The following ARHGAP31 variants were observed in gnomAD, a reference collection of about 807,000 sequenced individuals.
The protein encoded by ARHGAP31 is rho GTPase-activating protein 31.
ARHGAP31 carries 34 observed loss-of-function variants against 113.9 expected under a neutral mutation model. The ratio of observed to expected loss-of-function variants is 0.30; its 90% CI spans 0.23 to 0.40. The LOEUF is 0.40. Among genes scored for constraint, ARHGAP31 ranks in the 10% least tolerant of loss-of-function variants. The probability of loss-of-function intolerance (pLI) is 1.00; values close to 1 mark genes in which losing one functional copy is unlikely to be tolerated. For synonymous variants in ARHGAP31, 650 were observed against 684.8 expected (o/e 0.95, Z 0.79); for missense variants, 1,548 against 1,767.1 (o/e 0.88, Z 2.22).
intron 1 of ARHGAP31, among the ~76,000 whole-genome samples, chr3:119,297,946 C>T (rs991122474): frequency 1.6e-5 from 2 of 125,772 alleles, no homozygotes; most frequent in African/African-American, 6.6e-5. Flanking sequence ...ACACACACAC[C>T]GTGTATGCAA....
intron 1 of ARHGAP31, among the ~76,000 whole-genome samples, chr3:119,355,187 CT>C (rs1226611007): frequency 2.0e-5 from 3 of 152,238 alleles, no homozygotes; most frequent in African/African-American, 7.2e-5. Context: ...AACTCTGGCA[CT>C]TCCTAGCTCC....
chr3:119,365,198 C>T, intron 1 of ARHGAP31, 118 bp from the exon 2 acceptor site: 1 of 784,002 alleles, frequency 1.3e-6, no homozygotes, highest in Non-Finnish European at 2.1e-6. Context: ...ACTTGTAAGT[C>T]ATATGAGTTC....
At chr3:119,361,274 A>G (rs1232012077) in intron 1 of ARHGAP31, among the ~76,000 whole-genome samples, 1 of 151,814 alleles carries the variant, frequency 6.6e-6, no homozygotes, top group Non-Finnish European at 1.5e-5. Flanking sequence ...CTGCCTCCCT[A>G]CTGAATTGCA....
intron 5 of ARHGAP31, 100 bp downstream of exon 5, chr3:119,382,499 C>G (rs2080410476): frequency 8.4e-7 from 1 of 1,186,552 alleles, no homozygotes; most frequent in Non-Finnish European, 1.2e-6. Flanking sequence ...CCCTTTAAAA[C>G]AAATCTGTGG....
At chr3:119,364,126 C>T (rs906515889) in intron 1 of ARHGAP31, among the ~76,000 whole-genome samples, 1 of 151,416 alleles carries the variant, frequency 6.6e-6, no homozygotes, top group Non-Finnish European at 1.5e-5. Context: ...ACCCTTCTAC[C>T]AGGGCACTGA....
chr3:119,303,826 G>T (rs112272331), intron 1 of ARHGAP31, among the ~76,000 whole-genome samples: 9 of 151,576 alleles, frequency 5.9e-5, no homozygotes, highest in Non-Finnish European at 8.8e-5. Flanking sequence ...ATGGGGTCTC[G>T]CAGTGTCGCC....
intron 1 of ARHGAP31, among the ~76,000 whole-genome samples, chr3:119,308,044 G>A (rs945943693): frequency 4.0e-5 from 6 of 149,948 alleles, no homozygotes; most frequent in African/African-American, 1.2e-4. Flanking sequence ...AGTCACGCAC[G>A]CAGCGTTGTC....
chr3:119,364,273 A>C (rs1489511420), intron 1 of ARHGAP31, among the ~76,000 whole-genome samples: 7 of 152,094 alleles, frequency 4.6e-5, no homozygotes, highest in East Asian at 1.9e-4. Context: ...TAAAAAAAAA[A>C]CACTTTATCA....
In ARHGAP31 at chr3:119,373,316, T is replaced by TA. The variant is rs1264499575; in HGVS notation, c.348+4807dup. ...GCGAAGGACCTTGATAGATAATTCCTAAAAAAAGAAATTGAATTATTTAAA... is the reference window on the plus strand; with the variant it reads ...GCGAAGGACCTTGATAGATAATTCCTAAAAAAAAGAAATTGAATTATTTAAA... On this transcript the variant is annotated intron_variant, in intron 3 of 11. Transcript: ENST00000264245. Among the ~76,000 whole-genome samples, 8 of 152,140 alleles carry TA rather than the reference T, an allele frequency of 5.3e-5. No homozygotes were observed. In the South Asian group the frequency reaches 1.0e-3, roughly 20 times the overall value.
chr3:119,410,689 A>G (rs2080707785), intron 11 of ARHGAP31, among the ~76,000 whole-genome samples: 1 of 152,270 alleles, frequency 6.6e-6, no homozygotes, highest in African/African-American at 2.4e-5. Flanking sequence ...AGTGCTGGAA[A>G]GAGAACCGGG....
intron 1 of ARHGAP31, among the ~76,000 whole-genome samples, chr3:119,350,919 T>C (rs2080105199): frequency 6.6e-6 from 1 of 152,198 alleles, no homozygotes; most frequent in African/African-American, 2.4e-5. Context: ...CACTGGCAGA[T>C]AGAAACCGAA....
At chr3:119,364,390 T>C (rs1356949813) in intron 1 of ARHGAP31, among the ~76,000 whole-genome samples, 1 of 152,220 alleles carries the variant, frequency 6.6e-6, no homozygotes, top group Non-Finnish European at 1.5e-5. Flanking sequence ...ATTCAATTTG[T>C]TGAAGATTTT....
intron 1 of ARHGAP31, among the ~76,000 whole-genome samples, chr3:119,336,167 C>G (rs879624959): frequency 5.3e-5 from 8 of 152,148 alleles, no homozygotes; most frequent in African/African-American, 7.2e-5. Flanking sequence ...AAGAGTGAAA[C>G]TTGGTCTCAA....
At chr3:119,398,513 G>A (rs1452394074) in intron 8 of ARHGAP31, among the ~76,000 whole-genome samples, 1 of 152,158 alleles carries the variant, frequency 6.6e-6, no homozygotes, top group Non-Finnish European at 1.5e-5. Context: ...GTTTGTGAAT[G>A]CATCTATGTA....
chr3:119,333,585 T>C (rs2107608398), intron 1 of ARHGAP31, among the ~76,000 whole-genome samples: 1 of 152,358 alleles, frequency 6.6e-6, no homozygotes, highest in Non-Finnish European at 1.5e-5. Flanking sequence ...CTTAGATTTG[T>C]GTAGCACTCT....
At chr3:119,316,899 T>C (rs1031372116) in intron 1 of ARHGAP31, among the ~76,000 whole-genome samples, 2 of 152,242 alleles carry the variant, frequency 1.3e-5, no homozygotes, top group African/African-American at 4.8e-5. Flanking sequence ...AAACTTCTTT[T>C]GTGCCGCAGG....
At chr3:119,354,152 G>A (rs1406706001) in intron 1 of ARHGAP31, among the ~76,000 whole-genome samples, 1 of 152,232 alleles carries the variant, frequency 6.6e-6, no homozygotes, top group Non-Finnish European at 1.5e-5. Flanking sequence ...CAGCAGGATA[G>A]CAGAGCTAGT....
intron 11 of ARHGAP31, among the ~76,000 whole-genome samples, chr3:119,411,273 T>C (rs4687852): frequency 0.95 from 145,098 of 152,188 alleles, 69,228 homozygotes; most frequent in East Asian, 1. Context: ...GTGTGGAGAA[T>C]GGCTTGAAGA....
At chr3:119,382,488 C>T (rs2080410334) in intron 5 of ARHGAP31, 89 bp downstream of exon 5, 1 of 1,318,256 alleles carries the variant, frequency 7.6e-7, no homozygotes, top group Non-Finnish European at 1.1e-6. Flanking sequence ...CAAATTGAAG[C>T]CCCTTTAAAA....
Sources: allele counts gnomAD v4.1 joint callset (sites outside exome capture counted in the v4.1 genomes callset), GRCh38; gene constraint gnomAD v4.1.1; transcripts MANE v1.5; gene names NCBI Gene and HGNC (gene_info 2026-07-23, HGNC 2026-07-21).